Variants in MMD2 observed in about 807,000 individuals in gnomAD.
The protein encoded by MMD2 is monocyte to macrophage differentiation associated 2, also known as monocyte to macrophage differentiation factor 2.
MMD2 carries 30 observed loss-of-function variants against 33.5 expected under a neutral mutation model. That is an observed-to-expected ratio of 0.90 (90% confidence interval 0.67 to 1.22). The LOEUF is 1.22. Among genes scored for constraint, MMD2 ranks in the 50% most tolerant of loss-of-function variants. The probability of loss-of-function intolerance (pLI) is 0.00; values close to 1 mark genes in which losing one functional copy is unlikely to be tolerated. For missense variants in MMD2, 364 were observed against 325.4 expected (o/e 1.12, Z -0.91); for synonymous variants, 129 against 123.0 (o/e 1.05, Z -0.32).
Position 4,911,165 on chromosome 7 carries a change from A to G in MMD2, c.447T>C (p.Tyr149=), listed in dbSNP as rs778919993. ...CTTACCGCTCATGGAAGAAGAAGAC[A>G]TAGATGGTGCCCACGGAAGCCATAA... ...VWIMASVGTI[Y]VFFFHERYKL... Residue 149 remains tyrosine, a synonymous_variant, in exon 5 of 7, where the codon TAT becomes TAC. Transcript: ENST00000401401. The G allele has an allele frequency of 1.5e-5, 24 of 1,591,562 alleles. No individual in the cohort carries two copies. The highest frequency in any genetic ancestry group is 2.1e-5 in the Non-Finnish European group (24 of 1,169,984).
intron 1 of MMD2, among the ~76,000 whole-genome samples, chr7:4,953,461 G>A (rs1018228155): frequency 7.2e-6 from 1 of 138,456 alleles, no homozygotes; most frequent in East Asian, 2.1e-4. Context: ...TTTCATTTTC[G>A]TGTGATTCAG....
At chr7:4,929,965 T>C (rs939389164) in intron 1 of MMD2, among the ~76,000 whole-genome samples, 2 of 152,012 alleles carry the variant, frequency 1.3e-5, no homozygotes, top group Non-Finnish European at 2.9e-5. Context: ...TGGAGCAGAT[T>C]TCATTAGTTA....
intron 1 of MMD2, among the ~76,000 whole-genome samples, chr7:4,939,398 C>T (rs532515783): frequency 3.9e-5 from 6 of 152,050 alleles, no homozygotes; most frequent in African/African-American, 1.4e-4. Flanking sequence ...TAAAAATTAG[C>T]CAGGTGTGGT....
At chr7:4,956,264 A>C (rs969635145) in intron 1 of MMD2, among the ~76,000 whole-genome samples, 3 of 151,772 alleles carry the variant, frequency 2.0e-5, no homozygotes, top group African/African-American at 7.3e-5. Context: ...CTTTACAGAT[A>C]CTTTTTTTTT....
intron 1 of MMD2, among the ~76,000 whole-genome samples, chr7:4,955,430 A>G (rs1266973524): frequency 6.6e-6 from 1 of 152,152 alleles, no homozygotes; most frequent in Non-Finnish European, 1.5e-5. Context: ...CACAGAATTT[A>G]ATTTGGAATA....
intron 1 of MMD2, among the ~76,000 whole-genome samples, chr7:4,928,164 C>T (rs547398251): frequency 6.6e-6 from 1 of 152,318 alleles, no homozygotes; most frequent in Admixed American, 6.5e-5. Context: ...TTAAACTCCA[C>T]TAAACACACC....
At chr7:4,931,587 C>T (rs1785588597) in intron 1 of MMD2, among the ~76,000 whole-genome samples, 1 of 151,674 alleles carries the variant, frequency 6.6e-6, no homozygotes, top group Non-Finnish European at 1.5e-5. Flanking sequence ...CTCCACCATG[C>T]CCAGCTAATA....
At chr7:4,937,478 A>T (rs73322939) in intron 1 of MMD2, among the ~76,000 whole-genome samples, 30,788 of 151,914 alleles carry the variant, frequency 0.2, 4,198 homozygotes, top group African/African-American at 0.38. Context: ...AAGGGAAATT[A>T]TTATAAATTA....
At chr7:4,913,972 T>A (rs1481242848) in intron 4 of MMD2, among the ~76,000 whole-genome samples, 1 of 152,042 alleles carries the variant, frequency 6.6e-6, no homozygotes, top group Non-Finnish European at 1.5e-5. Flanking sequence ...GTGGATTTTT[T>A]AAATTACATG....
chr7:4,900,501 C>G, the MMD2 span, among the ~76,000 whole-genome samples: 1 of 152,104 alleles, frequency 6.6e-6, no homozygotes, highest in African/African-American at 2.4e-5. Context: ...ATGGTGTAAA[C>G]ACTCACACCT....
chr7:4,902,835 T>G (rs568244170), downstream of MMD2, among the ~76,000 whole-genome samples: 167 of 152,296 alleles, frequency 1.1e-3, no homozygotes, highest in African/African-American at 3.4e-3. Context: ...GAAGCCATCA[T>G]GGGCACCCTT....
Position 4,940,102 on chromosome 7 carries a change from C to A in MMD2, c.48-14570G>T, listed in dbSNP as rs533955898. Among the ~76,000 whole-genome samples, 1 of 152,270 alleles carries A rather than the reference C, an allele frequency of 6.6e-6. No homozygotes were observed. Among genetic ancestry groups the A allele is most frequent in the East Asian group, 1.9e-4 (1 of 5,180 alleles). ...CAGGTCTGTTGAAGGTCCGATGACG[C>A]CAGGAGAGTGGCTGCCCTTGACGGT... On this transcript the variant is annotated intron_variant, in intron 1 of 6. Coordinates refer to ENST00000401401, the MANE Select transcript of MMD2 (RefSeq NM_198403.4). The surrounding 1 kb of genome is among the most constrained non-coding windows in gnomAD (Gnocchi z 5.0).
At chr7:4,945,912 T>G (rs1392767009) in intron 1 of MMD2, among the ~76,000 whole-genome samples, 3 of 152,152 alleles carry the variant, frequency 2.0e-5, no homozygotes, top group Non-Finnish European at 2.9e-5. Context: ...GAGTGAAAAT[T>G]CCAAAGCAGA....
intron 1 of MMD2, among the ~76,000 whole-genome samples, chr7:4,943,335 G>T (rs933116106): frequency 1.3e-5 from 2 of 151,852 alleles, no homozygotes; most frequent in Non-Finnish European, 2.9e-5. Flanking sequence ...AGTAAACACG[G>T]GCTTTCACCA....
rs1014530769 is a variant in MMD2 at position 4,918,850 on chromosome 7, C to T, written c.290+1321G>A. On this transcript the variant is annotated intron_variant, in intron 3 of 6. Coordinates refer to ENST00000401401, the MANE Select transcript of MMD2 (RefSeq NM_198403.4). Reference sequence around the variant, plus strand: ...CAGTGGCTCACACTTGTAATCCCGGCACTTTGGGAAGCCAAGGAGGGCAGA... The same window carrying T: ...CAGTGGCTCACACTTGTAATCCCGGTACTTTGGGAAGCCAAGGAGGGCAGA... Among the ~76,000 whole-genome samples, 3 of 151,856 alleles carry T rather than the reference C, an allele frequency of 2.0e-5. 1 individual carries two copies. The East Asian group carries it at 5.8e-4, about 29-fold the overall frequency.
intron 6 of MMD2, 91 bp downstream of exon 6, chr7:4,909,790 G>A: frequency 6.6e-7 from 1 of 1,522,098 alleles, no homozygotes; most frequent in Admixed American, 2.0e-5. Flanking sequence ...TGCCAAAGGA[G>A]AGGGTTTGTG....
chr7:4,916,504 T>G (rs1268542958), intron 3 of MMD2, among the ~76,000 whole-genome samples: 1 of 151,080 alleles, frequency 6.6e-6, no homozygotes, highest in Admixed American at 6.6e-5. Flanking sequence ...TGCCTCAGCC[T>G]TCCAAGTAGC....
At chr7:4,934,875 C>T (rs1785694285) in intron 1 of MMD2, among the ~76,000 whole-genome samples, 1 of 152,050 alleles carries the variant, frequency 6.6e-6, no homozygotes, top group South Asian at 2.1e-4. Flanking sequence ...ATTACCTAGC[C>T]AGCAGGTGTC....
chr7:4,914,352 T>C (rs1785089836), intron 4 of MMD2, among the ~76,000 whole-genome samples: 1 of 152,240 alleles, frequency 6.6e-6, no homozygotes, highest in East Asian at 1.9e-4. Context: ...AGCTTGTTTT[T>C]TTCACATTGC....
Sources: allele counts gnomAD v4.1 joint callset (sites outside exome capture counted in the v4.1 genomes callset), GRCh38; gene constraint gnomAD v4.1.1; non-coding constraint Gnocchi (gnomAD v3.1); transcripts MANE v1.5; gene names NCBI Gene and HGNC (gene_info 2026-07-23, HGNC 2026-07-21).